Variants in ARMC2 observed in about 807,000 individuals in gnomAD.
ARMC2 encodes armadillo repeat containing 2.
A neutral mutation model predicts 90.3 loss-of-function variants in ARMC2; 67 were observed. The observed-to-expected ratio is 0.74, with a 90% CI of 0.61 to 0.91. The LOEUF is 0.91. Among genes scored for constraint, ARMC2 ranks in the 40% least tolerant of loss-of-function variants. The probability of loss-of-function intolerance (pLI) is 0.00; values close to 1 mark genes in which losing one functional copy is unlikely to be tolerated. For missense variants in ARMC2, 920 were observed against 1,030.9 expected, an observed-to-expected ratio of 0.89 and a Z score of 1.47; for synonymous variants, 393 against 393.0, an observed-to-expected ratio of 1.00 and a Z score of 0.00.
At chr6:108,886,894 G>T (rs921615465) in intron 5 of ARMC2, among the ~76,000 whole-genome samples, 10 of 144,130 alleles carry the variant, frequency 6.9e-5, no homozygotes, top group South Asian at 2.2e-4. Flanking sequence ...TTTTTTTTTT[G>T]TTTGTTTGTT....
At chr6:108,990,359 C>T in the ARMC2 span, among the ~76,000 whole-genome samples, 8 of 152,198 alleles carry the variant, frequency 5.3e-5, no homozygotes, top group Admixed American at 4.6e-4. Context: ...TGTTCAGTTA[C>T]AAACTTTGTT....
chr6:108,961,198 G>A (rs886523533), intron 13 of ARMC2, among the ~76,000 whole-genome samples: 11 of 152,126 alleles, frequency 7.2e-5, no homozygotes, highest in Admixed American at 2.0e-4. Flanking sequence ...ACTCCAAGGA[G>A]GAGCCCCTGG....
At chr6:109,014,074 G>A in the ARMC2 span, among the ~76,000 whole-genome samples, 1 of 151,310 alleles carries the variant, frequency 6.6e-6, no homozygotes, top group Non-Finnish European at 1.5e-5. Context: ...ATGTTGACAA[G>A]TCTTTGGTAT....
chr6:108,988,580 T>C, the ARMC2 span: 1 of 1,613,196 alleles, frequency 6.2e-7, no homozygotes, highest in Non-Finnish European at 8.5e-7. Context: ...GAAGCTATCA[T>C]ACATTCTTTT....
chr6:109,032,799 G>A, the ARMC2 span, among the ~76,000 whole-genome samples: 1 of 152,092 alleles, frequency 6.6e-6, no homozygotes, highest in South Asian at 2.1e-4. Context: ...TCAGGGTCAG[G>A]GCTAAGATAG....
At chr6:109,035,275 G>A in the ARMC2 span, among the ~76,000 whole-genome samples, 5 of 152,094 alleles carry the variant, frequency 3.3e-5, no homozygotes, top group Admixed American at 1.3e-4. Context: ...CATCTAGTGT[G>A]TGTTAGATGC....
In ARMC2 at chr6:108,953,289, C is replaced by T. The variant is rs772407779; in HGVS notation, c.1853C>T (p.Pro618Leu). The T allele has an allele frequency of 7.4e-6, 12 of 1,611,914 alleles. No homozygotes were observed. The highest frequency in any genetic ancestry group is 3.3e-5 in the South Asian group (3 of 91,048). Residue 618 changes from proline to leucine, a missense_variant, in exon 13 of 18, where the codon CCG (proline) becomes CTG (leucine). By Grantham distance (98) the Pro-to-Leu change is moderately conservative (BLOSUM62 -3). Transcript: ENST00000392644. ...GTGCTGGCCAACATTGCCATCCACC[C>T]GGGCGTGGGCCCGGTGCTGGCCGCC... The part of the protein sequence containing the change: ...TRVLANIAIH[P>L]GVGPVLAANP...
intron 3 of ARMC2, among the ~76,000 whole-genome samples, chr6:108,864,643 AAATTGTGAG>A (rs1775626532): frequency 1.3e-5 from 2 of 152,072 alleles, no homozygotes; most frequent in African/African-American, 4.8e-5. Context: ...TTTACAGATT[AAATTGTGAG>A]CACCTTTCTG....
chr6:108,975,611 A>T (rs965724882), downstream of ARMC2, among the ~76,000 whole-genome samples: 3 of 152,114 alleles, frequency 2.0e-5, no homozygotes, highest in Non-Finnish European at 4.4e-5. Context: ...ACTAATTTAC[A>T]CTCCCACCAA....
chr6:108,974,526 G>C (rs1181426288), downstream of ARMC2: 11 of 152,080 alleles, frequency 7.2e-5, no homozygotes, highest in Admixed American at 7.2e-4. Context: ...AGATGAGTTG[G>C]AAATAAAAAT....
chr6:108,918,214 G>A (rs1329941075), intron 10 of ARMC2, among the ~76,000 whole-genome samples: 5 of 152,118 alleles, frequency 3.3e-5, no homozygotes, highest in Non-Finnish European at 5.9e-5. Context: ...TTGTGGAATG[G>A]GAAGAGAAAA....
intron 2 of ARMC2, among the ~76,000 whole-genome samples, chr6:108,855,542 C>A (rs753291268): frequency 6.6e-6 from 1 of 152,166 alleles, no homozygotes; most frequent in Non-Finnish European, 1.5e-5. Flanking sequence ...TGAGCGACCT[C>A]GCCCGGCCAA....
chr6:109,013,834 C>T, the ARMC2 span, among the ~76,000 whole-genome samples: 1 of 152,174 alleles, frequency 6.6e-6, no homozygotes, highest in Non-Finnish European at 1.5e-5. Context: ...GTTTATAAGA[C>T]TACTTCTGCT....
chr6:108,907,437 G>C (rs1276092988), intron 8 of ARMC2, among the ~76,000 whole-genome samples: 1 of 140,380 alleles, frequency 7.1e-6, no homozygotes, highest in Non-Finnish European at 1.6e-5. Flanking sequence ...ATATAGAAAT[G>C]TTCTTCTGTT....
chr6:108,978,206 T>A (rs934215362), downstream of ARMC2, among the ~76,000 whole-genome samples: 1 of 152,224 alleles, frequency 6.6e-6, no homozygotes, highest in African/African-American at 2.4e-5. Context: ...GTGTCTTTGT[T>A]CTCATTGGTT....
intron 17 of ARMC2, among the ~76,000 whole-genome samples, chr6:108,967,561 G>A (rs927170832): frequency 6.6e-5 from 10 of 152,156 alleles, no homozygotes; most frequent in African/African-American, 2.4e-4. Context: ...TACCAACACA[G>A]ATGCCCAAGT....
rs1293987517 is a variant in ARMC2 at position 108,974,131 on chromosome 6, A to G, written c.*617A>G. The G allele has an allele frequency of 6.6e-6, 1 of 152,264 alleles. No homozygotes were observed. The highest frequency in any genetic ancestry group is 1.5e-5 in the Non-Finnish European group (1 of 68,052). 9.4% of individuals were successfully genotyped at this position (152,264 alleles called of 1,614,324 possible). A position where few individuals can be genotyped will look rare whatever the true frequency, so the allele number is the denominator to read the frequency against. ...TTTGAAATAAAATGACTGGACTAAG[A>G]CAGTCCTTCTAATTGTAACTCTCTG... is the stretch of plus-strand genomic sequence containing the variant. On this transcript the variant is annotated 3_prime_UTR_variant, in exon 18 of 18. Transcript: ENST00000392644.
rs550389530 is a variant in ARMC2, at chr6:108,877,556, T to C, written c.671+1206T>C. Among the ~76,000 whole-genome samples, 5 of 152,272 alleles carry C rather than the reference T, an allele frequency of 3.3e-5. No homozygotes were observed. The East Asian group carries it at 9.6e-4, about 29-fold the overall frequency. Reference sequence around the variant, plus strand: ...CATCAAACTGGCCATTGCAGACAAATCGTTTCCAGTTGGTGAATAAGAATA... The same window carrying C: ...CATCAAACTGGCCATTGCAGACAAACCGTTTCCAGTTGGTGAATAAGAATA... On this transcript the variant is annotated intron_variant, in intron 5 of 17. Transcript: ENST00000392644.
chr6:108,910,608 T>G (rs2128470973), intron 8 of ARMC2, among the ~76,000 whole-genome samples: 1 of 152,324 alleles, frequency 6.6e-6, no homozygotes, highest in African/African-American at 2.4e-5. Context: ...AATCAGTGTA[T>G]CGAAGATATA....
Sources: allele counts gnomAD v4.1 joint callset (sites outside exome capture counted in the v4.1 genomes callset), GRCh38; gene constraint gnomAD v4.1.1; transcripts MANE v1.5; gene names NCBI Gene and HGNC (gene_info 2026-07-23, HGNC 2026-07-21).